The following DACH1 variants were observed in gnomAD, a reference collection of about 807,000 sequenced individuals.
DACH1 encodes dachshund family transcription factor 1, also known as dachshund homolog 1.
A neutral mutation model predicts 54.2 loss-of-function variants in DACH1; 12 were observed. The ratio of observed to expected loss-of-function variants is 0.22; its 90% CI spans 0.14 to 0.36. The LOEUF is 0.36. Among genes scored for constraint, DACH1 ranks in the 10% least tolerant of loss-of-function variants. The pLI is 1.00. For missense variants in DACH1, 805 were observed against 929.8 expected (o/e 0.87, Z 1.75); for synonymous variants, 386 against 366.2 (o/e 1.05, Z -0.62).
chr13:71,527,219 G>A (rs1593838490), intron 6 of DACH1, among the ~76,000 whole-genome samples: 2 of 151,554 alleles, frequency 1.3e-5, no homozygotes, highest in Non-Finnish European at 2.9e-5. Flanking sequence ...AAATATCTTT[G>A]GTTATTCTTG....
intron 1 of DACH1, among the ~76,000 whole-genome samples, chr13:71,805,891 T>G (rs1887476782): frequency 1.3e-5 from 2 of 152,088 alleles, no homozygotes; most frequent in African/African-American, 4.8e-5. Flanking sequence ...CACTGCAACT[T>G]CTACCTCCCG....
chr13:71,501,443 A>T (rs1345931840), intron 6 of DACH1, among the ~76,000 whole-genome samples: 1 of 152,206 alleles, frequency 6.6e-6, no homozygotes, highest in Non-Finnish European at 1.5e-5. Flanking sequence ...GAAAATATAC[A>T]CTGAACGTAA....
chr13:71,527,376 G>A (rs1882056589), intron 6 of DACH1, among the ~76,000 whole-genome samples: 1 of 152,084 alleles, frequency 6.6e-6, no homozygotes, highest in Non-Finnish European at 1.5e-5. Context: ...CCAAATGTAA[G>A]TCATTTCCTT....
At chr13:71,733,396 G>T (rs974949092) in intron 1 of DACH1, among the ~76,000 whole-genome samples, 3 of 152,078 alleles carry the variant, frequency 2.0e-5, no homozygotes, top group African/African-American at 7.2e-5. Context: ...TGCCCAAGCT[G>T]GTCTTGAAGT....
intron 1 of DACH1, among the ~76,000 whole-genome samples, chr13:71,852,524 G>A (rs1425637818): frequency 6.6e-6 from 1 of 152,172 alleles, no homozygotes; most frequent in Non-Finnish European, 1.5e-5. Flanking sequence ...TAGAGAGCTA[G>A]CTTTGAAATA....
intron 1 of DACH1, among the ~76,000 whole-genome samples, chr13:71,692,837 A>C (rs1299908838): frequency 6.6e-6 from 1 of 151,772 alleles, no homozygotes; most frequent in Non-Finnish European, 1.5e-5. Context: ...CCTATTTTAA[A>C]TGTATTTTCT....
chr13:71,554,220 A>G (rs1450758140), intron 6 of DACH1, among the ~76,000 whole-genome samples: 1 of 152,112 alleles, frequency 6.6e-6, no homozygotes, highest in Non-Finnish European at 1.5e-5. Flanking sequence ...ACTATATTAA[A>G]AACTAGATAA....
At chr13:71,444,438 T>C (rs1347854518) in intron 10 of DACH1, among the ~76,000 whole-genome samples, 1 of 152,138 alleles carries the variant, frequency 6.6e-6, no homozygotes, top group East Asian at 1.9e-4. Flanking sequence ...CAATGTTTCC[T>C]AGGATTAAAC....
intron 3 of DACH1, among the ~76,000 whole-genome samples, chr13:71,591,500 T>G (rs1873707050): frequency 6.6e-6 from 1 of 152,196 alleles, no homozygotes; most frequent in Non-Finnish European, 1.5e-5. Context: ...TTTACACTTT[T>G]GCAAAACTCT....
At chr13:71,725,396 A>G (rs1382952843) in intron 1 of DACH1, among the ~76,000 whole-genome samples, 1 of 152,136 alleles carries the variant, frequency 6.6e-6, no homozygotes, top group East Asian at 1.9e-4. Flanking sequence ...ATTTCATTCA[A>G]GTGTTAGTCC....
Position 71,633,607 on chromosome 13 carries a change from C to A in DACH1, c.965-2890G>T, listed in dbSNP as rs566294491. Among the ~76,000 whole-genome samples, 7 of 152,160 alleles carry A rather than the reference C, an allele frequency of 4.6e-5. No homozygotes were observed. In the East Asian group the frequency reaches 1.4e-3, roughly 29 times the overall value. ...AAGATATATGTGTGTCACTGACACACACACACACACACACTCATACACTTT... is the reference window on the plus strand; with the variant it reads ...AAGATATATGTGTGTCACTGACACAAACACACACACACACTCATACACTTT... On this transcript the variant is annotated intron_variant, in intron 2 of 10. Coordinates refer to ENST00000613252, the MANE Select transcript of DACH1 (RefSeq NM_080759.6).
chr13:71,555,304 G>A (rs949864488), intron 6 of DACH1, among the ~76,000 whole-genome samples: 3 of 151,360 alleles, frequency 2.0e-5, no homozygotes, highest in East Asian at 3.9e-4. Context: ...TTGAGTCTTC[G>A]ATGAAACTTT....
chr13:71,848,126 T>C (rs1314782247), intron 1 of DACH1, among the ~76,000 whole-genome samples: 5 of 152,156 alleles, frequency 3.3e-5, no homozygotes, highest in East Asian at 1.9e-4. Context: ...AGAGATTCAA[T>C]AATACCCGCT....
At chr13:71,861,664 C>A (rs1158917518) in intron 1 of DACH1, among the ~76,000 whole-genome samples, 1 of 151,760 alleles carries the variant, frequency 6.6e-6, no homozygotes, top group African/African-American at 2.4e-5. Flanking sequence ...AGACATTAGG[C>A]GTTATTGGAA....
chr13:71,452,154 G>A (rs1387258903), intron 10 of DACH1, among the ~76,000 whole-genome samples: 2 of 152,076 alleles, frequency 1.3e-5, no homozygotes, highest in African/African-American at 4.8e-5. Context: ...GTTTTAGACA[G>A]GGTTTCACTT....
intron 6 of DACH1, among the ~76,000 whole-genome samples, chr13:71,530,995 C>T (rs1222901257): frequency 6.6e-6 from 1 of 151,864 alleles, no homozygotes; most frequent in Non-Finnish European, 1.5e-5. Context: ...GGATGGAGGA[C>T]AGATGGAGAA....
chr13:71,516,820 G>T (rs553666752), intron 6 of DACH1, among the ~76,000 whole-genome samples: 1 of 151,684 alleles, frequency 6.6e-6, no homozygotes, highest in African/African-American at 2.4e-5. Context: ...AAAAACATTA[G>T]AGATTATTCT....
intron 2 of DACH1, among the ~76,000 whole-genome samples, chr13:71,646,970 G>T (rs1367793891): frequency 6.6e-6 from 1 of 152,136 alleles, no homozygotes; most frequent in Non-Finnish European, 1.5e-5. Flanking sequence ...AAGCAAAAAT[G>T]GATGAATAGA....
intron 1 of DACH1, among the ~76,000 whole-genome samples, chr13:71,798,445 T>C (rs1025142273): frequency 4.7e-5 from 7 of 149,932 alleles, no homozygotes; most frequent in African/African-American, 1.7e-4. Flanking sequence ...ACCCAAACAA[T>C]ATGACTTGAG....
Sources: gnomAD v4.1 joint callset for allele counts (sites outside exome capture counted in the v4.1 genomes callset) on GRCh38, gnomAD v4.1.1 for gene constraint, MANE v1.5 for transcripts, NCBI Gene and HGNC (gene_info 2026-07-23, HGNC 2026-07-21) for gene names.